The following CTNNA1 variants were observed in gnomAD, a reference collection of about 807,000 sequenced individuals.
CTNNA1 encodes the protein catenin alpha-1.
Under a neutral mutation model 98.4 loss-of-function variants are expected in CTNNA1, and 37 were observed. The observed-to-expected ratio is 0.38, with a 90% confidence interval of 0.29 to 0.49. CTNNA1 has a LOEUF of 0.49. Among genes scored for constraint, CTNNA1 ranks in the 20% least tolerant of loss-of-function variants. CTNNA1 has a pLI of 0.95. For missense variants in CTNNA1, 761 were observed against 1,147.2 expected (o/e 0.66, Z 4.86); for synonymous variants, 404 against 413.2 (o/e 0.98, Z 0.27).
rs1580984089 is a variant in CTNNA1 at position 138,783,214 on chromosome 5, C to G, written c.143C>G (p.Ser48Cys). The G allele has an allele frequency of 6.2e-7, 1 of 1,613,524 alleles. No individual in the cohort carries two copies. The highest frequency in any genetic ancestry group is 8.5e-7 in the Non-Finnish European group (1 of 1,179,640). ...TLVNTNSKGP[S>C]NKKRGRSKKA... The stretch of plus-strand genomic sequence containing the variant: ...GTAAACACCAATAGTAAAGGGCCCT[C>G]TAATAAGAAGAGAGGTCGTTCTAAG... Residue 48 changes from serine to cysteine, a missense_variant, in exon 3 of 18, where the codon TCT becomes TGT. Ser to Cys is a moderately radical substitution (Grantham distance 112). Coordinates refer to ENST00000302763, the MANE Select transcript of CTNNA1 (RefSeq NM_001903.5).
intron 3 of CTNNA1, among the ~76,000 whole-genome samples, chr5:138,785,323 A>G (rs1265445178): frequency 1.3e-5 from 2 of 151,908 alleles, no homozygotes; most frequent in East Asian, 1.9e-4. Context: ...GGCCTCCCAA[A>G]GTGCTGGGAT....
At chr5:138,795,107 G>A (rs1246263321) in intron 3 of CTNNA1, among the ~76,000 whole-genome samples, 1 of 141,074 alleles carries the variant, frequency 7.1e-6, no homozygotes, top group Non-Finnish European at 1.5e-5. Flanking sequence ...CCAAGGTTGC[G>A]CCACTGCACA....
chr5:138,853,892 A>G (rs138964763), intron 7 of CTNNA1, among the ~76,000 whole-genome samples: 134 of 152,314 alleles, frequency 8.8e-4, no homozygotes, highest in African/African-American at 3.2e-3. Context: ...GTCATGGGTG[A>G]TAATAAATTG....
intron 9 of CTNNA1, among the ~76,000 whole-genome samples, chr5:138,889,125 G>T (rs1283599384): frequency 6.6e-6 from 1 of 152,192 alleles, no homozygotes; most frequent in African/African-American, 2.4e-5. Flanking sequence ...CGCTCAGGAA[G>T]CCAGTCTCTT....
Position 138,791,615 on chromosome 5 carries a change from C to CAAAAAAAAAA in CTNNA1, c.301+8261_301+8270dup, listed in dbSNP as rs1181055311. Among the ~76,000 whole-genome samples, 11 of 40,302 alleles carry CAAAAAAAAAA rather than the reference C, an allele frequency of 2.7e-4. 1 individual carries two copies. The highest frequency in any genetic ancestry group is 1.1e-3 in the African/African-American group (10 of 9,200). The allele number at this position is 40,302 out of a possible 152,430, so 26.4% of individuals were successfully genotyped here. ...CTGGAGACAGAGCAAGACTCCGTCT[C>CAAAAAAAAAA]AAAAAAAAAAAAAAAAAAAAAAAAA... is the stretch of plus-strand genomic sequence containing the variant. On this transcript the variant is annotated intron_variant, in intron 3 of 17. Transcript: ENST00000302763.
intron 5 of CTNNA1, among the ~76,000 whole-genome samples, chr5:138,818,825 C>T (rs1759717497): frequency 6.6e-6 from 1 of 152,096 alleles, no homozygotes; most frequent in African/African-American, 2.4e-5. Context: ...CACTGGGTTC[C>T]AGGTACAGGT....
chr5:138,915,015 C>T (rs777056418), intron 10 of CTNNA1, among the ~76,000 whole-genome samples: 2 of 151,994 alleles, frequency 1.3e-5, no homozygotes, highest in African/African-American at 2.4e-5. Context: ...GATGTGGTGG[C>T]GGGCGCCTGT....
At chr5:138,872,852 A>T in intron 7 of CTNNA1, 1 of 518,914 alleles carries the variant, frequency 1.9e-6, no homozygotes, top group African/African-American at 1.9e-5. Flanking sequence ...GGTTTCATTT[A>T]AAAAATTAAA....
At chr5:138,897,797 T>A (rs1757210180) in intron 9 of CTNNA1, among the ~76,000 whole-genome samples, 1 of 152,196 alleles carries the variant, frequency 6.6e-6, no homozygotes, top group Non-Finnish European at 1.5e-5. Flanking sequence ...ATAAGCTTTT[T>A]AGGCAGAATT....
intron 2 of CTNNA1, 166 bp downstream of exon 2, chr5:138,782,195 C>A: frequency 1.4e-6 from 1 of 692,530 alleles, no homozygotes; most frequent in South Asian, 1.7e-5. Flanking sequence ...TTAGTTAACC[C>A]TTGAGAACGC....
At chr5:138,877,064 A>C (rs888478498) in intron 7 of CTNNA1, among the ~76,000 whole-genome samples, 10 of 152,198 alleles carry the variant, frequency 6.6e-5, no homozygotes, top group African/African-American at 2.4e-4. Context: ...TTGTAGGCTG[A>C]ATGGAAATTC....
intron 7 of CTNNA1, among the ~76,000 whole-genome samples, chr5:138,853,944 A>G (rs1763479567): frequency 6.6e-6 from 1 of 152,330 alleles, no homozygotes; most frequent in South Asian, 2.1e-4. Flanking sequence ...TTCTTTTCAC[A>G]TAGACCATTT....
chr5:138,826,497 A>G (rs1343729068), intron 6 of CTNNA1, among the ~76,000 whole-genome samples: 1 of 152,164 alleles, frequency 6.6e-6, no homozygotes, highest in Non-Finnish European at 1.5e-5. Context: ...ACTAAATGCT[A>G]GAAAAGCTGG....
intron 3 of CTNNA1, among the ~76,000 whole-genome samples, chr5:138,787,303 A>G (rs2149668511): frequency 6.6e-6 from 1 of 152,220 alleles, no homozygotes; most frequent in South Asian, 2.1e-4. Flanking sequence ...GTTGGTGGGC[A>G]CCTGTATACC....
At chr5:138,905,519 T>G (rs535844123) in intron 10 of CTNNA1, among the ~76,000 whole-genome samples, 1 of 152,358 alleles carries the variant, frequency 6.6e-6, no homozygotes, top group East Asian at 1.9e-4. Flanking sequence ...CTCTTTATTC[T>G]GTAGTGTCAT....
intron 7 of CTNNA1, among the ~76,000 whole-genome samples, chr5:138,864,631 T>G (rs781245635): frequency 6.6e-6 from 1 of 152,148 alleles, no homozygotes; most frequent in Non-Finnish European, 1.5e-5. Flanking sequence ...TAGCTTAGCC[T>G]ATGCACAGGA....
intron 1 of CTNNA1, among the ~76,000 whole-genome samples, chr5:138,780,520 T>C (rs7713864): frequency 0.023 from 3,472 of 151,432 alleles, 135 homozygotes; most frequent in African/African-American, 0.081. Flanking sequence ...ATTTTTATTA[T>C]TATTATTATT....
chr5:138,780,347 G>A (rs1016759702), intron 1 of CTNNA1, among the ~76,000 whole-genome samples: 7 of 148,244 alleles, frequency 4.7e-5, no homozygotes, highest in African/African-American at 1.7e-4. Context: ...CCGCCACTGC[G>A]CCTGGCTAAT....
At position 138,765,498 on chromosome 5, in the gene CTNNA1, A is replaced by G. The variant is rs1007732257; in HGVS notation, c.-3+11988A>G. The stretch of plus-strand genomic sequence containing the variant: ...TGCCTGGCCATTTTGCTGTATCTCA[A>G]TTGCATCAGGAAAGGCTCACTTAAA... On this transcript the variant is annotated intron_variant, in intron 1 of 17. Transcript: ENST00000302763. Among the ~76,000 whole-genome samples the G allele has an allele frequency of 1.3e-5, 2 of 152,138 alleles. 1 individual carries two copies. The highest frequency in any genetic ancestry group is 4.8e-5 in the African/African-American group (2 of 41,422).
Sources: allele counts gnomAD v4.1 joint callset (sites outside exome capture counted in the v4.1 genomes callset), GRCh38; gene constraint gnomAD v4.1.1; transcripts MANE v1.5; gene names NCBI Gene and HGNC (gene_info 2026-07-23, HGNC 2026-07-21).